Variants in DLC1 observed in about 807,000 individuals in gnomAD.
DLC1 encodes DLC1 Rho GTPase activating protein.
In DLC1, 54 loss-of-function variants were observed where a neutral mutation model predicts 140.3. The observed-to-expected ratio is 0.38, with a 90% CI of 0.31 to 0.48. DLC1 has a LOEUF of 0.48. Among genes scored for constraint, DLC1 ranks in the 20% least tolerant of loss-of-function variants. DLC1 has a pLI of 0.96. For synonymous variants in DLC1, 986 were observed against 728.1 expected, an observed-to-expected ratio of 1.35 and a Z score of -5.70; for missense variants, 2,536 against 1,907.0, an observed-to-expected ratio of 1.33 and a Z score of -6.14.
rs182017208 is a variant in DLC1, at chr8:13,544,951, T to A, written c.-125-44755A>T. Among the ~76,000 whole-genome samples the A allele has an allele frequency of 2.6e-4, 39 of 152,262 alleles. 1 individual carries two copies. The highest frequency in any genetic ancestry group is 2.5e-3 in the Admixed American group (38 of 15,276). On this transcript the variant is annotated intron_variant, in intron 1 of 1. Transcript: ENST00000631382. Reference sequence around the variant, plus strand: ...CTCTGCCACCTTCAGGGGGGCACTATTTACATAGACTCCAAGTTTAATAGC... The same window carrying A: ...CTCTGCCACCTTCAGGGGGGCACTAATTACATAGACTCCAAGTTTAATAGC...
At chr8:13,248,981 T>C (rs1172668833) in intron 5 of DLC1, among the ~76,000 whole-genome samples, 3 of 152,196 alleles carry the variant, frequency 2.0e-5, no homozygotes, top group Non-Finnish European at 4.4e-5. Flanking sequence ...ATTTACTCCC[T>C]AACCTCAGAG....
At chr8:13,490,124 A>G (rs901997085) in intron 2 of DLC1, among the ~76,000 whole-genome samples, 3 of 152,208 alleles carry the variant, frequency 2.0e-5, no homozygotes, top group Admixed American at 6.5e-5. Context: ...AGTTCAGTCC[A>G]AGCCATTCAT....
At chr8:13,283,035 A>G (rs73560554) in intron 5 of DLC1, among the ~76,000 whole-genome samples, 1,528 of 152,320 alleles carry the variant, frequency 0.01, 25 homozygotes, top group African/African-American at 0.035. Context: ...TAATAATAAA[A>G]TGAAAAGCAG....
At chr8:13,271,676 T>C (rs557468498) in intron 5 of DLC1, among the ~76,000 whole-genome samples, 1 of 152,288 alleles carries the variant, frequency 6.6e-6, no homozygotes, top group Non-Finnish European at 1.5e-5. Flanking sequence ...CTTAAATATT[T>C]TTGTTTGTTT....
chr8:13,309,722 A>G (rs1033308843), intron 4 of DLC1, among the ~76,000 whole-genome samples: 8 of 152,112 alleles, frequency 5.3e-5, no homozygotes, highest in African/African-American at 1.9e-4. Context: ...CTTCCAGGAG[A>G]ACCTCAGATG....
intron 5 of DLC1, chr8:13,214,574 T>TTTTGGCTGCCCGAGGAAATTGGA: frequency 1.5e-6 from 1 of 647,506 alleles, no homozygotes; most frequent in South Asian, 2.0e-5. Flanking sequence ...TTTTTTTTTT[T>TTTTGGCTGCCCGAGGAAATTGGA]GTGGCTGCCC....
At chr8:13,185,283 G>GT (rs113333274) in intron 5 of DLC1, among the ~76,000 whole-genome samples, 18,621 of 130,738 alleles carry the variant, frequency 0.14, 1,443 homozygotes, top group South Asian at 0.2. Flanking sequence ...TGTCTTTTCT[G>GT]TTTTTTTTGT....
At chr8:13,464,602 A>C (rs6530631) in intron 2 of DLC1, among the ~76,000 whole-genome samples, 134,632 of 151,504 alleles carry the variant, frequency 0.89, 61,833 homozygotes, top group Non-Finnish European at 1. Context: ...GCCACCATGG[A>C]AATGGAAAAT....
intron 5 of DLC1, among the ~76,000 whole-genome samples, chr8:13,124,316 T>C (rs1348874822): frequency 1.3e-5 from 2 of 152,114 alleles, no homozygotes; most frequent in African/African-American, 4.8e-5. Context: ...ATCTTGGATA[T>C]GAAACTGGAT....
intron 5 of DLC1, among the ~76,000 whole-genome samples, chr8:13,222,630 C>G (rs917171908): frequency 1.5e-4 from 23 of 152,136 alleles, no homozygotes; most frequent in Non-Finnish European, 5.9e-5. Flanking sequence ...TTTGCTATAG[C>G]TTCTGCTGCT....
At chr8:13,329,868 T>C (rs1833515280) in intron 4 of DLC1, among the ~76,000 whole-genome samples, 2 of 136,082 alleles carry the variant, frequency 1.5e-5, no homozygotes, top group Admixed American at 1.4e-4. Context: ...GATTGATATA[T>C]ACACAAGTGT....
intron 5 of DLC1, among the ~76,000 whole-genome samples, chr8:13,122,301 T>A (rs1169359153): frequency 6.6e-6 from 1 of 152,204 alleles, no homozygotes; most frequent in African/African-American, 2.4e-5. Context: ...AATGTAAGCT[T>A]GCTCCAGGCT....
At chr8:13,600,157 G>A (rs1311802354) in intron 1 of DLC1, among the ~76,000 whole-genome samples, 2 of 151,934 alleles carry the variant, frequency 1.3e-5, no homozygotes, top group Non-Finnish European at 2.9e-5. Flanking sequence ...GGGCCCCAAA[G>A]TATGTAATTC....
chr8:13,093,198 C>T (rs975845525), intron 12 of DLC1, among the ~76,000 whole-genome samples: 9 of 151,876 alleles, frequency 5.9e-5, no homozygotes, highest in Admixed American at 3.3e-4. Flanking sequence ...AAACACTATA[C>T]ACTTTTGTTT....
chr8:13,086,505 A>G (rs971113219), intron 16 of DLC1, 42 bp from the exon 17 acceptor site: 1 of 1,600,126 alleles, frequency 6.2e-7, no homozygotes, highest in African/African-American at 1.3e-5. Context: ...GGAATTTCAT[A>G]GAAGCCAAGT....
At chr8:13,408,333 T>A (rs1267298066) in intron 2 of DLC1, among the ~76,000 whole-genome samples, 2 of 152,228 alleles carry the variant, frequency 1.3e-5, no homozygotes, top group Admixed American at 6.5e-5. Context: ...AATCATTAAT[T>A]AGCGATCATG....
At position 13,499,508 on chromosome 8, in the gene DLC1, A is replaced by C; in HGVS notation, c.564T>G (p.Ser188Arg). Reference protein sequence around the residue: ...SGERKVTDSISKSLELCNEIS... With the variant: ...SGERKVTDSIRKSLELCNEIS... ...TTTCATTGCAAAGCTCCAGGCTTTTACTTATAGAGTCAGTAACTTTTCTCT... is the reference window on the plus strand; with the variant it reads ...TTTCATTGCAAAGCTCCAGGCTTTTCCTTATAGAGTCAGTAACTTTTCTCT... Residue 188 changes from serine to arginine, a missense_variant, in exon 2 of 18, where the codon AGT becomes AGG. Ser to Arg is a moderately radical substitution (Grantham distance 110). Coordinates refer to ENST00000276297, the MANE Select transcript of DLC1 (RefSeq NM_182643.3). The C allele has an allele frequency of 6.2e-7, 1 of 1,614,112 alleles. No homozygotes were observed. Among genetic ancestry groups the C allele is most frequent in the Non-Finnish European group, 8.5e-7 (1 of 1,180,010 alleles).
intron 5 of DLC1, among the ~76,000 whole-genome samples, chr8:13,197,939 A>C (rs1827162485): frequency 6.6e-6 from 1 of 152,098 alleles, no homozygotes; most frequent in South Asian, 2.1e-4. Flanking sequence ...CTAAGAATGA[A>C]GTATTTCATT....
chr8:13,091,272 A>T, intron 14 of DLC1, 46 bp downstream of exon 14: 3 of 1,590,374 alleles, frequency 1.9e-6, no homozygotes, highest in South Asian at 2.2e-5. Context: ...TTTTGTACCT[A>T]TTCACATTAT....
Sources: gnomAD v4.1 joint callset for allele counts (sites outside exome capture counted in the v4.1 genomes callset) on GRCh38, gnomAD v4.1.1 for gene constraint, MANE v1.5 for transcripts, NCBI Gene and HGNC (gene_info 2026-07-23, HGNC 2026-07-21) for gene names.